The following EFCAB6 variants were observed in gnomAD, a reference collection of about 807,000 sequenced individuals.
EFCAB6 encodes the protein EF-hand calcium-binding domain-containing protein 6.
Under a neutral mutation model 169.8 loss-of-function variants are expected in EFCAB6, and 156 were observed. The ratio of observed to expected loss-of-function variants is 0.92; its 90% CI spans 0.81 to 1.05. The LOEUF is 1.05. Among genes scored for constraint, EFCAB6 ranks in the 50% least tolerant of loss-of-function variants. The pLI, the probability that EFCAB6 is intolerant of heterozygous loss-of-function variation, is 0.00. For synonymous variants in EFCAB6, 698 were observed against 676.4 expected (o/e 1.03, Z -0.50); for missense variants, 1,800 against 1,829.1 (o/e 0.98, Z 0.29).
chr22:43,780,888 C>G (rs964736069), intron 3 of EFCAB6, among the ~76,000 whole-genome samples: 38 of 152,210 alleles, frequency 2.5e-4, no homozygotes, highest in African/African-American at 8.0e-4. Context: ...AACCTAACTT[C>G]TTTCATAAAC....
intron 17 of EFCAB6, among the ~76,000 whole-genome samples, chr22:43,636,633 CAG>C (rs1292124938): frequency 7.7e-6 from 1 of 129,456 alleles, no homozygotes; most frequent in Non-Finnish European, 1.6e-5. Context: ...TTTTTTGAGA[CAG>C]AGTCTCACTC....
chr22:43,600,076 C>T lies in EFCAB6; in HGVS notation c.2869G>A (p.Ala957Thr). 6.2e-7 allele frequency: 1 copy of T among 1,613,456 alleles called. No individual in the cohort carries two copies. The highest frequency in any genetic ancestry group is 2.2e-5 in the East Asian group (1 of 44,846). ...TGATCCTTCCTCACTCACCTGGCTG[C>T]CACAGCCTTCTCTGTGCTCTGCTGC... ...ELQQSTEKAV[A>T]ARDKLMDRHQ... Residue 957 changes from alanine (A) to threonine (T), a missense_variant, in exon 23 of 32, where the codon GCA (alanine) becomes ACA (threonine). Ala to Thr is a moderately conservative substitution (Grantham distance 58). Coordinates refer to ENST00000262726, the MANE Select transcript of EFCAB6 (RefSeq NM_022785.4).
intron 2 of EFCAB6, among the ~76,000 whole-genome samples, chr22:43,796,163 C>T (rs944776793): frequency 6.6e-6 from 1 of 152,104 alleles, no homozygotes; most frequent in African/African-American, 2.4e-5. Context: ...TCCACAATTC[C>T]TCACTCATCC....
At position 43,572,451 on chromosome 22, in the gene EFCAB6, C is replaced by A. The variant is rs1218559759; in HGVS notation, c.3420+3846G>T. 6.6e-6 allele frequency among the ~76,000 whole-genome samples: 1 copy of A among 152,158 alleles called. No individual in the cohort carries two copies. Among genetic ancestry groups the A allele is most frequent in the Non-Finnish European group, 1.5e-5 (1 of 68,030 alleles). On this transcript the variant is annotated intron_variant, in intron 26 of 31. Coordinates refer to ENST00000262726, the MANE Select transcript of EFCAB6 (RefSeq NM_022785.4). The surrounding 1 kb of genome is among the most constrained non-coding windows in gnomAD (Gnocchi z 4.0). ...CCTTTAGGGGTATCTTGCTATAGCT[C>A]CTGAGCAGCCTAAGACAGTCCCCAT... is the stretch of plus-strand genomic sequence containing the variant.
chr22:43,530,449 C>G, intron 31 of EFCAB6: 1 of 924,610 alleles, frequency 1.1e-6, no homozygotes, highest in Non-Finnish European at 1.3e-6. Context: ...CAACATAGGT[C>G]AGAGATGCTC....
At position 43,590,216 on chromosome 22, in the gene EFCAB6, C is replaced by G; in HGVS notation, c.2890G>C (p.Asp964His). 6.2e-7 allele frequency: 1 copy of G among 1,613,518 alleles called. No individual in the cohort carries two copies. ...GCTTTGCTGATATCTTGATGGCGGT[C>G]CATAAGCTTATCCCTGAAAGAGAGT... ...KAVAARDKLM[D>H]RHQDISKAFT... The change falls in exon 24 of 32, where the codon GAC (aspartate) becomes CAC (histidine). Residue 964 changes from aspartate (D) to histidine (H), a missense_variant. Physicochemically the swap from Asp to His is moderately conservative, Grantham distance 81. Coordinates refer to ENST00000262726, the MANE Select transcript of EFCAB6 (RefSeq NM_022785.4).
rs531874837 is a variant in EFCAB6, at chr22:43,723,939, G to T, written c.758-6967C>A. The stretch of plus-strand genomic sequence containing the variant: ...CCATTCTGCCTTCCTATGGCTTTGG[G>T]TCTGTGATGGGAGGGTCCTTTCTAT... On this transcript the variant is annotated intron_variant, in intron 8 of 31. Transcript: ENST00000262726. 7.2e-5 allele frequency among the ~76,000 whole-genome samples: 11 copies of T among 152,322 alleles called. No individual in the cohort carries two copies. In the South Asian group the frequency reaches 1.9e-3, roughly 26 times the overall value.
chr22:43,560,543 C>A (rs1489871356), intron 26 of EFCAB6, among the ~76,000 whole-genome samples: 1 of 152,206 alleles, frequency 6.6e-6, no homozygotes, highest in Admixed American at 6.5e-5. Context: ...GGCAGCCATG[C>A]TCTCAGGAGG....
At chr22:43,655,119 T>C (rs2056672047) in intron 17 of EFCAB6, among the ~76,000 whole-genome samples, 1 of 152,060 alleles carries the variant, frequency 6.6e-6, no homozygotes, top group Admixed American at 6.6e-5. Context: ...TAGCTGGGCG[T>C]GGTGGCAGGC....
In EFCAB6 at chr22:43,608,649, A is replaced by G. The variant is rs1416187463; in HGVS notation, c.2563-49T>C. The G allele has an allele frequency of 1.9e-6, 3 of 1,564,310 alleles. No homozygotes were observed. The Admixed American group carries it at 5.0e-5, about 26-fold the overall frequency. On this transcript the variant is annotated intron_variant, in intron 21 of 31. Transcript: ENST00000262726. ...TAGGAACATGTGAAATGTGCGTATG[A>G]CAGCAGAAAAGATGTTCAATTAGTC...
In EFCAB6 at chr22:43,738,222, T is replaced by A. The variant is rs1157933694; in HGVS notation, c.508-2229A>T. Among the ~76,000 whole-genome samples, 10 of 134,200 alleles carry A rather than the reference T, an allele frequency of 7.5e-5. No homozygotes were observed. The Admixed American group carries it at 7.5e-4, about 10-fold the overall frequency. The allele number at this position is 134,200 out of a possible 152,430, so 88.0% of individuals were successfully genotyped here. On this transcript the variant is annotated intron_variant, in intron 6 of 31. Transcript: ENST00000262726. ...CTCAAACTCACACACGTGCATATAC[T>A]CACACATTCACACCATCACACACAC...
At chr22:43,670,874 A>G (rs2057460076) in intron 15 of EFCAB6, among the ~76,000 whole-genome samples, 1 of 152,254 alleles carries the variant, frequency 6.6e-6, no homozygotes, top group African/African-American at 2.4e-5. Context: ...CAGCAGCAGC[A>G]GCAGCAGCAG....
chr22:43,690,182 C>G (rs994569328), intron 10 of EFCAB6, among the ~76,000 whole-genome samples: 1 of 152,078 alleles, frequency 6.6e-6, no homozygotes, highest in Non-Finnish European at 1.5e-5. Flanking sequence ...TATTTCCATA[C>G]CTCTACCAGC....
At chr22:43,691,125 T>C (rs1202624637) in intron 10 of EFCAB6, among the ~76,000 whole-genome samples, 3 of 152,160 alleles carry the variant, frequency 2.0e-5, no homozygotes, top group African/African-American at 7.2e-5. Flanking sequence ...TTAATTGATT[T>C]TGTTAGGCAC....
intron 8 of EFCAB6, among the ~76,000 whole-genome samples, chr22:43,720,874 A>C (rs1239272889): frequency 1.3e-5 from 2 of 152,222 alleles, no homozygotes; most frequent in African/African-American, 2.4e-5. Flanking sequence ...AGTCCTAGCC[A>C]GAGGAATCAG....
intron 26 of EFCAB6, among the ~76,000 whole-genome samples, chr22:43,575,444 G>A (rs1284511324): frequency 6.6e-6 from 1 of 150,450 alleles, no homozygotes; most frequent in Admixed American, 6.7e-5. Flanking sequence ...CTGACCTCAG[G>A]TGATCTGCCC....
At chr22:43,617,071 T>C (rs9626001) in intron 20 of EFCAB6, among the ~76,000 whole-genome samples, 1,752 of 152,290 alleles carry the variant, frequency 0.012, 16 homozygotes, top group Middle Eastern at 0.037. Context: ...TTCTGTGCCA[T>C]CTTTCTCCAA....
At chr22:43,602,032 G>A (rs2052559597) in intron 22 of EFCAB6, among the ~76,000 whole-genome samples, 1 of 152,252 alleles carries the variant, frequency 6.6e-6, no homozygotes, top group Non-Finnish European at 1.5e-5. Flanking sequence ...CAGGCAGGGT[G>A]CAGATAGAGG....
In EFCAB6 at chr22:43,695,358, A is replaced by G. The variant is rs1335029545; in HGVS notation, c.1032-7777T>C. Among the ~76,000 whole-genome samples the G allele has an allele frequency of 2.6e-5, 4 of 152,190 alleles. No homozygotes were observed. In the East Asian group the frequency reaches 5.8e-4, roughly 22 times the overall value. ...GACTAGGAAAATTAAAGACAATTAA[A>G]TAAGTGGAAAGTAGCATGTTTATGG... On this transcript the variant is annotated intron_variant, in intron 10 of 31. Transcript: ENST00000262726.
Sources: allele counts gnomAD v4.1 joint callset (sites outside exome capture counted in the v4.1 genomes callset), GRCh38; gene constraint gnomAD v4.1.1; non-coding constraint Gnocchi (gnomAD v3.1); transcripts MANE v1.5; gene names NCBI Gene and HGNC (gene_info 2026-07-23, HGNC 2026-07-21).